Variants in FAM131B observed in about 807,000 individuals in gnomAD.
FAM131B encodes the protein family with sequence similarity 131 member B.
FAM131B carries 19 observed loss-of-function variants against 42.0 expected under a neutral mutation model. That is an observed-to-expected ratio of 0.45 (90% CI 0.32 to 0.66). The LOEUF (loss-of-function observed/expected upper bound fraction) is 0.66, where lower values mean the gene tolerates loss of function less well. Among genes scored for constraint, FAM131B ranks in the 30% least tolerant of loss-of-function variants. The pLI is 0.05. For missense variants in FAM131B, 370 were observed against 468.4 expected (o/e 0.79, Z 1.94); for synonymous variants, 183 against 177.6 (o/e 1.03, Z -0.24).
At chr7:143,363,196 G>A (rs1804081256), upstream of FAM131B, among the ~76,000 whole-genome samples, 1 of 152,230 alleles carries the variant, frequency 6.6e-6, no homozygotes, top group Non-Finnish European at 1.5e-5. Flanking sequence ...ACAGGAACGT[G>A]ATTGGACACA....
At chr7:143,380,746 T>C in the FAM131B span, 45 of 984,248 alleles carry the variant, frequency 4.6e-5, no homozygotes, top group Non-Finnish European at 5.2e-5. This position sits in a 1 kb window ranked among gnomAD's most constrained non-coding sequence, Gnocchi z 5.0. Flanking sequence ...AGCTGGGGGG[T>C]GCTGGGAGGG....
the FAM131B span, among the ~76,000 whole-genome samples, chr7:143,377,444 T>C: frequency 2.0e-5 from 3 of 151,964 alleles, no homozygotes; most frequent in African/African-American, 7.3e-5. Flanking sequence ...AGTAGGGGTG[T>C]TGGGGTGAAG....
intron 1 of FAM131B, chr7:143,361,056 A>C (rs898929184): frequency 3.3e-5 from 5 of 152,268 alleles, no homozygotes; most frequent in African/African-American, 1.2e-4. Context: ...CTGACCGTAC[A>C]GGCCCTTTAT....
At position 143,359,835 on chromosome 7, in the gene FAM131B, TCAG is replaced by T; in HGVS notation, c.139-71_139-69del. On this transcript the variant is annotated intron_variant, in intron 2 of 6. Coordinates refer to ENST00000443739, the MANE Select transcript of FAM131B (RefSeq NM_001031690.3). This position sits in a 1 kb window ranked among gnomAD's most constrained non-coding sequence, Gnocchi z 5.4. Reference sequence around the variant, plus strand: ...CAGGAATGCAAGGAAGCCCCCTTCCTCAGAGGGCCTTCCAGGAGTGCGGGATGT... The same window carrying T: ...CAGGAATGCAAGGAAGCCCCCTTCCTAGGGCCTTCCAGGAGTGCGGGATGT... 4.2e-6 allele frequency: 6 copies of T among 1,442,930 alleles called. No homozygotes were observed. The highest frequency in any genetic ancestry group is 5.7e-6 in the Non-Finnish European group (6 of 1,049,748). 89.4% of individuals were successfully genotyped at this position (1,442,930 alleles called of 1,614,324 possible). A position where few individuals can be genotyped will look rare whatever the true frequency, so the allele number is the denominator to read the frequency against.
Position 143,358,940 on chromosome 7 carries a change from C to G in FAM131B, c.353G>C (p.Gly118Ala), listed in dbSNP as rs1299373629. Residue 118 changes from glycine (G) to alanine (A), a missense_variant, in exon 5 of 7, where the codon GGC (glycine) becomes GCC (alanine). Physicochemically the swap from Gly to Ala is moderately conservative, Grantham distance 60 (BLOSUM62 0). Coordinates refer to ENST00000443739, the MANE Select transcript of FAM131B (RefSeq NM_001031690.3). The surrounding 1 kb of genome is among the most constrained non-coding windows in gnomAD (Gnocchi z 4.7). ...GRVAHMIEWQ[G>A]WGKTPAVQPQ... ...CTGAACAGCTGGTGTCTTCCCCCAGCCCTGCCACTCAATCATGTGGGCCAC... is the reference window on the plus strand; with the variant it reads ...CTGAACAGCTGGTGTCTTCCCCCAGGCCTGCCACTCAATCATGTGGGCCAC... 3 of 1,614,114 alleles carry G rather than the reference C, an allele frequency of 1.9e-6. No individual in the cohort carries two copies. The highest frequency in any genetic ancestry group is 2.5e-6 in the Non-Finnish European group (3 of 1,180,036).
Position 143,359,765 on chromosome 7 carries a change from T to A in FAM131B, c.141A>T (p.Gln47His), listed in dbSNP as rs1316628057. 1.9e-6 allele frequency: 3 copies of A among 1,567,748 alleles called. No individual in the cohort carries two copies. Among genetic ancestry groups the A allele is most frequent in the South Asian group, 2.3e-5 (2 of 85,114 alleles). The change falls in exon 3 of 7, where the codon CAA becomes CAT. Residue 47 changes from glutamine to histidine, a missense_variant and splice_region_variant. Physicochemically the swap from Gln to His is conservative, Grantham distance 24 (BLOSUM62 0). Transcript: ENST00000443739. The surrounding 1 kb of genome is among the most constrained non-coding windows in gnomAD (Gnocchi z 5.4). ...CGTCCCAGGAGAAATCAGTTCGAGT[T>A]TGCTGTGAGGAGAGAGGAAAGGGAA... ...GSSLHRPSTE[Q>H]TRTDFSWDGI...
chr7:143,360,466 G>C, intron 1 of FAM131B: 1 of 1,143,644 alleles, frequency 8.7e-7, no homozygotes. Context: ...TTTCTGTATG[G>C]GAGCTGGGCT....
rs2116435553 is a variant in FAM131B, at chr7:143,356,668, T to C, written c.965A>G (p.Glu322Gly). ...AGGGTCTTCTCGTGGGGAAAGTGAC[T>C]CCAGGTCCCGGCATCCCGCATCCTC... The part of the protein sequence containing the change: ...EEEDAGCRDL[E>G]SLSPREDPEM... The change falls in exon 7 of 7, where the codon GAG becomes GGG. Residue 322 changes from glutamate (E) to glycine (G), a missense_variant. Transcript: ENST00000443739. The surrounding 1 kb of genome is among the most constrained non-coding windows in gnomAD (Gnocchi z 4.4). 1 of 1,614,092 alleles carries C rather than the reference T, an allele frequency of 6.2e-7. No homozygotes were observed. Among genetic ancestry groups the C allele is most frequent in the African/African-American group, 1.3e-5 (1 of 75,006 alleles).
In FAM131B at chr7:143,362,687, C is replaced by G. The variant is rs1804060811; in HGVS notation, c.-84G>C. ...ACCGGGAGCCGCGCCGCCGCCCCAGCCGCTCTGCAGCGCCGCGGCTGTCTC... is the reference window on the plus strand; with the variant it reads ...ACCGGGAGCCGCGCCGCCGCCCCAGGCGCTCTGCAGCGCCGCGGCTGTCTC... On this transcript the variant is annotated 5_prime_UTR_variant, in exon 1 of 7. Coordinates refer to ENST00000443739, the MANE Select transcript of FAM131B (RefSeq NM_001031690.3). This position sits in a 1 kb window ranked among gnomAD's most constrained non-coding sequence, Gnocchi z 7.7. 1 of 708,042 alleles carries G rather than the reference C, an allele frequency of 1.4e-6. No individual in the cohort carries two copies. Among genetic ancestry groups the G allele is most frequent in the Admixed American group, 4.9e-5 (1 of 20,576 alleles). 43.9% of individuals were successfully genotyped at this position (708,042 alleles called of 1,614,324 possible).
In FAM131B at chr7:143,356,757, G is replaced by A. The variant is rs142532260; in HGVS notation, c.876C>T (p.Gly292=). The A allele has an allele frequency of 6.3e-5, 102 of 1,614,082 alleles. No individual in the cohort carries two copies. The highest frequency in any genetic ancestry group is 6.0e-4 in the Admixed American group (36 of 60,012). Residue 292 remains glycine (G), a synonymous_variant, in exon 7 of 7, where the codon GGC becomes GGT. Coordinates refer to ENST00000443739, the MANE Select transcript of FAM131B (RefSeq NM_001031690.3). This position sits in a 1 kb window ranked among gnomAD's most constrained non-coding sequence, Gnocchi z 4.4. The part of the protein sequence containing the change: ...GGDTDWAPGV[G]AVDLARGPAE... Reference sequence around the variant, plus strand: ...CAGGGCCCCTTGCCAGGTCCACTGCGCCTACCCCCGGAGCCCAGTCAGTGT... The same window carrying A: ...CAGGGCCCCTTGCCAGGTCCACTGCACCTACCCCCGGAGCCCAGTCAGTGT...
At position 143,358,797 on chromosome 7, in the gene FAM131B, G is replaced by A. The variant is rs376502701; in HGVS notation, c.466+30C>T. On this transcript the variant is annotated intron_variant, in intron 5 of 6. Transcript: ENST00000443739. The surrounding 1 kb of genome is among the most constrained non-coding windows in gnomAD (Gnocchi z 4.7). ...GTCGGTCCCTGGCCATCCTGCAAAT[G>A]TGTCTCTTGAGGCTTTAGGGTACCT... 1.1e-5 allele frequency: 18 copies of A among 1,599,930 alleles called. No homozygotes were observed. Among genetic ancestry groups the A allele is most frequent in the Non-Finnish European group, 1.5e-5 (17 of 1,169,090 alleles).
intron 6 of FAM131B, 87 bp from the exon 7 acceptor site, chr7:143,357,109 G>A (rs1803701618): frequency 1.7e-6 from 2 of 1,169,262 alleles, no homozygotes; most frequent in Admixed American, 1.8e-5. Context: ...ACAGCTAAGA[G>A]ACAGCACAGA....
chr7:143,359,658 T>C lies in FAM131B; in HGVS notation c.174+74A>G. 1.4e-6 allele frequency: 2 copies of C among 1,389,708 alleles called. No homozygotes were observed. Among genetic ancestry groups the C allele is most frequent in the East Asian group, 5.0e-5 (2 of 40,254 alleles). 86.1% of individuals were successfully genotyped at this position (1,389,708 alleles called of 1,614,324 possible). A position where few individuals can be genotyped will look rare whatever the true frequency, so the allele number is the denominator to read the frequency against. On this transcript the variant is annotated intron_variant, in intron 3 of 6. Coordinates refer to ENST00000443739, the MANE Select transcript of FAM131B (RefSeq NM_001031690.3). This position sits in a 1 kb window ranked among gnomAD's most constrained non-coding sequence, Gnocchi z 5.4. ...TTGGAGCCAGGGAATACCGTGCTGG[T>C]TGGAAGGTGCAAGGGAGAAGATGAG... is the stretch of plus-strand genomic sequence containing the variant.
In FAM131B at chr7:143,358,921, A is replaced by T; in HGVS notation, c.372T>A (p.Ala124=). 1 of 1,614,016 alleles carries T rather than the reference A, an allele frequency of 6.2e-7. No individual in the cohort carries two copies. Among genetic ancestry groups the T allele is most frequent in the Non-Finnish European group, 8.5e-7 (1 of 1,179,984 alleles). ...ACTCATGGCTGTGTTGTGGCTGAAC[A>T]GCTGGTGTCTTCCCCCAGCCCTGCC... ...IEWQGWGKTP[A]VQPQHSHESV... is the part of the protein sequence containing the mutation. Residue 124 remains alanine (A), a synonymous_variant, in exon 5 of 7, where the codon GCT becomes GCA. Transcript: ENST00000443739. The surrounding 1 kb of genome is among the most constrained non-coding windows in gnomAD (Gnocchi z 4.7).
Position 143,359,741 on chromosome 7 carries a change from G to A in FAM131B, c.165C>T (p.Asp55=), listed in dbSNP as rs150742474. 1.5e-5 allele frequency: 24 copies of A among 1,571,264 alleles called. No homozygotes were observed. The highest frequency in any genetic ancestry group is 9.3e-5 in the East Asian group (4 of 42,798). ...GGGCAGCTGCACTCACGTTGATGCC[G>A]TCCCAGGAGAAATCAGTTCGAGTTT... ...TEQTRTDFSW[D]GINLSMEDTT... The change falls in exon 3 of 7, where the codon GAC becomes GAT. Residue 55 remains aspartate, a synonymous_variant. Coordinates refer to ENST00000443739, the MANE Select transcript of FAM131B (RefSeq NM_001031690.3). The surrounding 1 kb of genome is among the most constrained non-coding windows in gnomAD (Gnocchi z 5.4).
At chr7:143,382,138 C>T in the FAM131B span, 8 of 953,912 alleles carry the variant, frequency 8.4e-6, no homozygotes, top group Non-Finnish European at 1.2e-5. Context: ...CCCACACGCT[C>T]TGGGACCCCT....
rs1803870189 is a variant in FAM131B, at chr7:143,359,834, C to A, written c.139-67G>T. The A allele has an allele frequency of 2.1e-6, 3 of 1,442,684 alleles. No individual in the cohort carries two copies. Among genetic ancestry groups the A allele is most frequent in the African/African-American group, 2.8e-5 (2 of 70,918 alleles). The allele number at this position is 1,442,684 out of a possible 1,614,324, so 89.4% of individuals were successfully genotyped here. ...GCAGGAATGCAAGGAAGCCCCCTTC[C>A]TCAGAGGGCCTTCCAGGAGTGCGGG... On this transcript the variant is annotated intron_variant, in intron 2 of 6. Transcript: ENST00000443739. The surrounding 1 kb of genome is among the most constrained non-coding windows in gnomAD (Gnocchi z 5.4).
the FAM131B span, among the ~76,000 whole-genome samples, chr7:143,378,877 A>T: frequency 6.6e-6 from 1 of 152,152 alleles, no homozygotes; most frequent in Non-Finnish European, 1.5e-5. Flanking sequence ...CGCCCAGCCC[A>T]TTGTCTTCAT....
chr7:143,366,217 A>G (rs549775643), upstream of FAM131B, among the ~76,000 whole-genome samples: 4 of 152,388 alleles, frequency 2.6e-5, no homozygotes, highest in East Asian at 5.8e-4. Context: ...AGGTGGGACC[A>G]TAAACTGAAG....
Sources: gnomAD v4.1 joint callset for allele counts (sites outside exome capture counted in the v4.1 genomes callset) on GRCh38, gnomAD v4.1.1 for gene constraint, Gnocchi (gnomAD v3.1) non-coding constraint, MANE v1.5 for transcripts, NCBI Gene and HGNC (gene_info 2026-07-23, HGNC 2026-07-21) for gene names.